ALPK2: variants seen among roughly 807,000 people sequenced by gnomAD.
The protein encoded by ALPK2 is alpha kinase 2.
Under a neutral mutation model 163.1 loss-of-function variants are expected in ALPK2, and 127 were observed. That is an observed-to-expected ratio of 0.78 (90% CI 0.67 to 0.90). The LOEUF is 0.90. Ranked by LOEUF, ALPK2 falls within the 40% of genes least tolerant of loss-of-function variation. The pLI, the probability that ALPK2 is intolerant of heterozygous loss-of-function variation, is 0.00. For synonymous variants in ALPK2, 953 were observed against 959.1 expected (o/e 0.99, Z 0.12); for missense variants, 2,360 against 2,589.6 (o/e 0.91, Z 1.92).
At chr18:58,611,972 G>A (rs1284058045) in intron 1 of ALPK2, among the ~76,000 whole-genome samples, 155 bp from the exon 2 acceptor site, 1 of 152,196 alleles carries the variant, frequency 6.6e-6, no homozygotes, top group African/African-American at 2.4e-5. Context: ...TCCAGGCCGT[G>A]GTGCTGCTGG....
In ALPK2 at chr18:58,579,646, A is replaced by G. The variant is rs779077693; in HGVS notation, c.1130T>C (p.Phe377Ser). Reference sequence around the variant, plus strand: ...AGACCCACAACCCATTCCACTGAGGAAATGCTCACACCCACCCAGGCAATG... The same window carrying G: ...AGACCCACAACCCATTCCACTGAGGGAATGCTCACACCCACCCAGGCAATG... The part of the protein sequence containing the change: ...GEHCLGGCEH[F>S]LSGMGCGSRV... The change falls in exon 4 of 13, where the codon TTC (phenylalanine) becomes TCC (serine). Residue 377 changes from phenylalanine (F) to serine (S), a missense_variant. Transcript: ENST00000361673. 12 of 1,613,968 alleles carry G rather than the reference A, an allele frequency of 7.4e-6. No homozygotes were observed. In the Admixed American group the frequency reaches 1.8e-4, roughly 25 times the overall value.
rs745599587 is a variant in ALPK2 at position 58,523,792 on chromosome 18, C to T, written c.5665+14G>A. On this transcript the variant is annotated intron_variant, in intron 8 of 12. Transcript: ENST00000361673. Reference sequence around the variant, plus strand: ...AGCCCATTTCCTCTGGCAGGTCAACCCTAACTGACTTACCTTTAGTATCCT... The same window carrying T: ...AGCCCATTTCCTCTGGCAGGTCAACTCTAACTGACTTACCTTTAGTATCCT... 4 of 1,614,172 alleles carry T rather than the reference C, an allele frequency of 2.5e-6. No individual in the cohort carries two copies. Among genetic ancestry groups the T allele is most frequent in the Admixed American group, 1.7e-5 (1 of 60,024 alleles).
At chr18:58,522,996 C>T (rs1326083236) in intron 8 of ALPK2, among the ~76,000 whole-genome samples, 7 of 149,880 alleles carry the variant, frequency 4.7e-5, no homozygotes, top group African/African-American at 1.5e-4. Context: ...ATGTGCCATG[C>T]TGGTGTGCTG....
At position 58,578,740 on chromosome 18, in the gene ALPK2, A is replaced by ACACGCGCGCACGTGCGCGCG; in HGVS notation, c.1962+73_1962+74insCGCGCGCACGTGCGCGCGTG. The stretch of plus-strand genomic sequence containing the variant: ...ATGTGAAGTAAAGGAAGAGACACAC[A>ACACGCGCGCACGTGCGCGCG]CACACACACACACACACACACACAC... On this transcript the variant is annotated intron_variant, in intron 4 of 12. Coordinates refer to ENST00000361673, the MANE Select transcript of ALPK2 (RefSeq NM_052947.4). 2.7e-6 allele frequency: 3 copies of ACACGCGCGCACGTGCGCGCG among 1,118,822 alleles called. No individual in the cohort carries two copies. In the South Asian group the frequency reaches 4.8e-5, roughly 18 times the overall value. The allele number at this position is 1,118,822 out of a possible 1,614,324, so 69.3% of individuals were successfully genotyped here. A position where few individuals can be genotyped will look rare whatever the true frequency, so the allele number is the denominator to read the frequency against.
At chr18:58,578,561 T>G in intron 4 of ALPK2, 1 of 354,520 alleles carries the variant, frequency 2.8e-6, no homozygotes, top group African/African-American at 2.1e-5. Context: ...TTAACTTCTA[T>G]CAGTCTTTTG....
rs138709944 is a variant in ALPK2, at chr18:58,536,245, A to G, written c.3942T>C (p.His1314=). 3 of 1,614,168 alleles carry G rather than the reference A, an allele frequency of 1.9e-6. No homozygotes were observed. Among genetic ancestry groups the G allele is most frequent in the South Asian group, 1.1e-5 (1 of 91,068 alleles). ...ESALADSRES[H]KGEEPTISVH... ...CACTGATGGTGGGCTCTTCGCCTTT[A>G]TGGCTTTCTCTGCTATCAGCAAGGG... The change falls in exon 5 of 13, where the codon CAT becomes CAC. Residue 1314 remains histidine, a synonymous_variant. Coordinates refer to ENST00000361673, the MANE Select transcript of ALPK2 (RefSeq NM_052947.4).
chr18:58,618,920 C>T (rs1444564434), intron 1 of ALPK2, among the ~76,000 whole-genome samples: 5 of 152,184 alleles, frequency 3.3e-5, no homozygotes, highest in Admixed American at 6.5e-5. Context: ...CACAGGTAAC[C>T]GGCTCTTGTG....
intron 4 of ALPK2, among the ~76,000 whole-genome samples, chr18:58,554,807 A>T (rs2051781161): frequency 1.3e-5 from 2 of 152,138 alleles, no homozygotes; most frequent in Admixed American, 6.5e-5. Flanking sequence ...CTTGAATTGT[A>T]GCTCCCATAA....
intron 4 of ALPK2, among the ~76,000 whole-genome samples, chr18:58,538,899 C>T (rs1304771156): frequency 6.6e-6 from 1 of 151,916 alleles, no homozygotes; most frequent in Non-Finnish European, 1.5e-5. Context: ...ATCCCCACCC[C>T]CACCCTGCTT....
chr18:58,548,054 A>G (rs1391528755), intron 4 of ALPK2, among the ~76,000 whole-genome samples: 1 of 152,226 alleles, frequency 6.6e-6, no homozygotes, highest in African/African-American at 2.4e-5. Context: ...GTTCTTGTAA[A>G]CTTTAGAAGC....
chr18:58,535,503 C>T lies in ALPK2; in HGVS notation c.4684G>A (p.Gly1562Ser). Residue 1562 changes from glycine to serine, a missense_variant, in exon 5 of 13, where the codon GGC becomes AGC. Transcript: ENST00000361673. Reference sequence around the variant, plus strand: ...TTTTCAGGGACGTCATGAATTTGGCCTGTGGAGTTGTGCGTGTCAACCCCA... The same window carrying T: ...TTTTCAGGGACGTCATGAATTTGGCTTGTGGAGTTGTGCGTGTCAACCCCA... ...SLGVDTHNST[G>S]QIHDVPENDI... 1.2e-6 allele frequency: 2 copies of T among 1,614,174 alleles called. No homozygotes were observed. Among genetic ancestry groups the T allele is most frequent in the South Asian group, 2.2e-5 (2 of 91,080 alleles).
intron 1 of ALPK2, among the ~76,000 whole-genome samples, chr18:58,626,420 A>C (rs575099439): frequency 2.6e-5 from 4 of 152,146 alleles, no homozygotes; most frequent in Non-Finnish European, 5.9e-5. Flanking sequence ...TCCAAAGGCT[A>C]GTCCACTTCA....
At chr18:58,588,516 C>G (rs2051998510) in intron 3 of ALPK2, among the ~76,000 whole-genome samples, 1 of 152,134 alleles carries the variant, frequency 6.6e-6, no homozygotes, top group South Asian at 2.1e-4. Context: ...TAACCCATCA[C>G]TTAGATATTA....
At position 58,527,354 on chromosome 18, in the gene ALPK2, T is replaced by G. The variant is rs561353595; in HGVS notation, c.5501+1737A>C. ...ATTATAACTCTTAAATATTCTCAAG[T>G]GTTAGCATGGAGAAAGCAAATGGGT... On this transcript the variant is annotated intron_variant, in intron 6 of 12. Coordinates refer to ENST00000361673, the MANE Select transcript of ALPK2 (RefSeq NM_052947.4). Among the ~76,000 whole-genome samples, 58 of 152,310 alleles carry G rather than the reference T, an allele frequency of 3.8e-4. 2 individuals carry two copies. The South Asian group carries it at 0.012, about 31-fold the overall frequency.
At chr18:58,512,190 G>C (rs1164249477) in intron 10 of ALPK2, 1 of 152,218 alleles carries the variant, frequency 6.6e-6, no homozygotes, top group Non-Finnish European at 1.5e-5. Context: ...CCAACAAAAG[G>C]ATTCACGGTT....
intron 3 of ALPK2, among the ~76,000 whole-genome samples, chr18:58,598,892 G>C (rs1231105713): frequency 6.6e-6 from 1 of 152,192 alleles, no homozygotes; most frequent in Non-Finnish European, 1.5e-5. Flanking sequence ...GGTCTGCTCA[G>C]TTCTCAGAAG....
intron 1 of ALPK2, among the ~76,000 whole-genome samples, chr18:58,624,935 T>C (rs1291089398): frequency 6.6e-6 from 1 of 152,240 alleles, no homozygotes; most frequent in Non-Finnish European, 1.5e-5. Context: ...CATCTAACTC[T>C]TGACAATTCT....
chr18:58,590,116 G>A (rs929491134), intron 3 of ALPK2, among the ~76,000 whole-genome samples: 33 of 151,964 alleles, frequency 2.2e-4, no homozygotes, highest in African/African-American at 7.3e-4. Flanking sequence ...AGCTACTTGG[G>A]AGGCTGAGGC....
intron 3 of ALPK2, among the ~76,000 whole-genome samples, chr18:58,591,033 A>G (rs1044131473): frequency 6.6e-6 from 1 of 152,172 alleles, no homozygotes; most frequent in Non-Finnish European, 1.5e-5. Flanking sequence ...CATCTCTTTC[A>G]TAGTTCCAGG....
Sources: allele counts gnomAD v4.1 joint callset (sites outside exome capture counted in the v4.1 genomes callset), GRCh38; gene constraint gnomAD v4.1.1; transcripts MANE v1.5; gene names NCBI Gene and HGNC (gene_info 2026-07-23, HGNC 2026-07-21).